CHSY3: variants seen among roughly 807,000 people sequenced by gnomAD.
CHSY3 encodes N-acetylgalactosaminyl-proteoglycan 3-beta-glucuronosyltransferase 3.
In CHSY3, 35 loss-of-function variants were observed where a neutral mutation model predicts 67.2. The ratio of observed to expected loss-of-function variants is 0.52; its 90% CI spans 0.40 to 0.69. The LOEUF is 0.69. Ranked by LOEUF, CHSY3 falls within the 30% of genes least tolerant of loss-of-function variation. The probability of loss-of-function intolerance (pLI) is 0.00; values close to 1 mark genes in which losing one functional copy is unlikely to be tolerated. For synonymous variants in CHSY3, 474 were observed against 434.7 expected, an observed-to-expected ratio of 1.09 and a Z score of -1.12; for missense variants, 1,069 against 1,138.5, an observed-to-expected ratio of 0.94 and a Z score of 0.88.
chr5:129,928,393 A>C (rs1470633698), intron 2 of CHSY3, among the ~76,000 whole-genome samples: 4 of 152,074 alleles, frequency 2.6e-5, no homozygotes, highest in Admixed American at 2.6e-4. Context: ...AGTTTGGTAG[A>C]TAATGCTGGC....
chr5:130,091,431 A>T (rs1007546765), intron 2 of CHSY3, among the ~76,000 whole-genome samples: 3 of 152,212 alleles, frequency 2.0e-5, no homozygotes, highest in Admixed American at 6.5e-5. Flanking sequence ...AACCAACAAA[A>T]AAGTGAAGGA....
At chr5:129,993,155 C>T (rs1292559299) in intron 2 of CHSY3, among the ~76,000 whole-genome samples, 1 of 152,112 alleles carries the variant, frequency 6.6e-6, no homozygotes, top group Non-Finnish European at 1.5e-5. Context: ...GTGACATGCT[C>T]AAGTTTATAT....
chr5:129,997,451 A>G (rs1763573832), intron 2 of CHSY3, among the ~76,000 whole-genome samples: 1 of 152,214 alleles, frequency 6.6e-6, no homozygotes, highest in African/African-American at 2.4e-5. Context: ...CTTCAAGACT[A>G]GAAATAATCA....
At chr5:130,018,289 G>T (rs1360691858) in intron 2 of CHSY3, among the ~76,000 whole-genome samples, 1 of 151,870 alleles carries the variant, frequency 6.6e-6, no homozygotes, top group East Asian at 1.9e-4. Flanking sequence ...GTGAAATATA[G>T]TAAGTCTTTA....
At chr5:129,963,237 C>T (rs1762384434) in intron 2 of CHSY3, among the ~76,000 whole-genome samples, 1 of 151,914 alleles carries the variant, frequency 6.6e-6, no homozygotes, top group East Asian at 1.9e-4. Context: ...TATGTTACAT[C>T]TCTATAGTCT....
intron 2 of CHSY3, among the ~76,000 whole-genome samples, chr5:130,077,467 A>G (rs1052574518): frequency 1.3e-5 from 2 of 152,130 alleles, no homozygotes; most frequent in African/African-American, 4.8e-5. Flanking sequence ...GGCTGATAGA[A>G]TAAATATAGG....
chr5:129,956,864 T>C (rs1762191967), intron 2 of CHSY3, among the ~76,000 whole-genome samples: 1 of 152,164 alleles, frequency 6.6e-6, no homozygotes, highest in Non-Finnish European at 1.5e-5. Context: ...TTCGTTACTG[T>C]AGCTCTTTAG....
At chr5:130,103,272 C>T (rs1001026051) in intron 2 of CHSY3, among the ~76,000 whole-genome samples, 10 of 152,064 alleles carry the variant, frequency 6.6e-5, no homozygotes, top group East Asian at 1.9e-4. Flanking sequence ...ATGCAGGAGA[C>T]GGGTCATACA....
chr5:129,917,342 CT>C (rs1490897418), intron 2 of CHSY3, among the ~76,000 whole-genome samples: 2 of 152,168 alleles, frequency 1.3e-5, no homozygotes, highest in African/African-American at 2.4e-5. Flanking sequence ...CCTTCCATAT[CT>C]TTTGATGTGG....
At chr5:130,149,586 A>G (rs947913968) in intron 2 of CHSY3, among the ~76,000 whole-genome samples, 4 of 152,204 alleles carry the variant, frequency 2.6e-5, no homozygotes, top group Non-Finnish European at 5.9e-5. Flanking sequence ...CATCTCCAGC[A>G]TTGGGGATTG....
At chr5:129,985,153 AG>A (rs775458583) in intron 2 of CHSY3, among the ~76,000 whole-genome samples, 1 of 152,120 alleles carries the variant, frequency 6.6e-6, no homozygotes, top group Non-Finnish European at 1.5e-5. Context: ...TTATAGTTTT[AG>A]GTTGTACATT....
At chr5:129,976,913 C>T (rs1278960266) in intron 2 of CHSY3, among the ~76,000 whole-genome samples, 1 of 146,494 alleles carries the variant, frequency 6.8e-6, no homozygotes, top group African/African-American at 2.5e-5. Flanking sequence ...ATAGAGAAGA[C>T]ATATATATAT....
chr5:129,981,896 T>A (rs1310123391), intron 2 of CHSY3, among the ~76,000 whole-genome samples: 6 of 152,192 alleles, frequency 3.9e-5, no homozygotes, highest in African/African-American at 1.4e-4. Context: ...TTACTGAGAA[T>A]TTTTATCATG....
At chr5:130,067,042 T>G (rs968001058) in intron 2 of CHSY3, among the ~76,000 whole-genome samples, 2 of 152,176 alleles carry the variant, frequency 1.3e-5, no homozygotes, top group African/African-American at 4.8e-5. Flanking sequence ...TCATTTTTAT[T>G]TTCTTCAAGT....
intron 2 of CHSY3, among the ~76,000 whole-genome samples, chr5:130,146,253 G>A (rs1394636630): frequency 6.6e-6 from 1 of 152,156 alleles, no homozygotes; most frequent in Non-Finnish European, 1.5e-5. Context: ...TATAAACAAT[G>A]TGATATTATC....
chr5:129,978,613 T>G (rs1762879716), intron 2 of CHSY3, among the ~76,000 whole-genome samples: 2 of 152,152 alleles, frequency 1.3e-5, no homozygotes, highest in African/African-American at 4.8e-5. Context: ...ATATATCATA[T>G]GTATTTTTAT....
chr5:130,014,111 C>A (rs1288595504), intron 2 of CHSY3, among the ~76,000 whole-genome samples: 1 of 152,200 alleles, frequency 6.6e-6, no homozygotes, highest in Non-Finnish European at 1.5e-5. Flanking sequence ...TCTGAGAACA[C>A]CTCAACTTCT....
chr5:129,926,869 C>T (rs1001757371), intron 2 of CHSY3, among the ~76,000 whole-genome samples: 6 of 151,720 alleles, frequency 4.0e-5, no homozygotes, highest in Admixed American at 3.3e-4. Context: ...TCACTAACTT[C>T]TGCATGTCGA....
At chr5:130,036,917 T>A (rs1053092332) in intron 2 of CHSY3, among the ~76,000 whole-genome samples, 1 of 152,082 alleles carries the variant, frequency 6.6e-6, no homozygotes, top group Non-Finnish European at 1.5e-5. Flanking sequence ...GATGATAAAT[T>A]CCATGCTAAG....
Sources: allele counts gnomAD v4.1 joint callset (sites outside exome capture counted in the v4.1 genomes callset), GRCh38; gene constraint gnomAD v4.1.1; transcripts MANE v1.5; gene names NCBI Gene and HGNC (gene_info 2026-07-23, HGNC 2026-07-21).